MIPOL1: variants seen among roughly 807,000 people sequenced by gnomAD.
MIPOL1 encodes mirror-image polydactyly 1.
In MIPOL1, 57 loss-of-function variants were observed where a neutral mutation model predicts 60.9. The ratio of observed to expected loss-of-function variants is 0.94; its 90% CI spans 0.76 to 1.17. The LOEUF (loss-of-function observed/expected upper bound fraction) is 1.17, where lower values mean the gene tolerates loss of function less well. Among genes scored for constraint, MIPOL1 ranks in the 50% most tolerant of loss-of-function variants. The pLI is 0.00. For synonymous variants in MIPOL1, 179 were observed against 168.8 expected, an observed-to-expected ratio of 1.06 and a Z score of -0.47; for missense variants, 551 against 511.6, an observed-to-expected ratio of 1.08 and a Z score of -0.74.
At chr14:37,499,576 T>G (rs1386568882) in intron 11 of MIPOL1, among the ~76,000 whole-genome samples, 1 of 152,156 alleles carries the variant, frequency 6.6e-6, no homozygotes, top group Non-Finnish European at 1.5e-5. Context: ...TTACATTCTT[T>G]TATTTGCCTA....
At chr14:37,345,222 G>C (rs918266313) in intron 9 of MIPOL1, among the ~76,000 whole-genome samples, 2 of 150,788 alleles carry the variant, frequency 1.3e-5, no homozygotes, top group African/African-American at 2.4e-5. Flanking sequence ...TTCCATCTCA[G>C]CCTTCTGAGT....
At chr14:37,294,918 G>A (rs943852459) in intron 7 of MIPOL1, among the ~76,000 whole-genome samples, 4 of 152,144 alleles carry the variant, frequency 2.6e-5, no homozygotes, top group Non-Finnish European at 5.9e-5. Flanking sequence ...AATCTAGCAA[G>A]GCAGGTCACT....
chr14:37,317,390 G>A (rs905909788), intron 9 of MIPOL1, among the ~76,000 whole-genome samples: 1 of 152,140 alleles, frequency 6.6e-6, no homozygotes, highest in African/African-American at 2.4e-5. Context: ...TTTTAAAAAC[G>A]TGTCAGGGAA....
At chr14:37,212,948 T>G (rs1966943907) in intron 1 of MIPOL1, among the ~76,000 whole-genome samples, 1 of 152,210 alleles carries the variant, frequency 6.6e-6, no homozygotes, top group Non-Finnish European at 1.5e-5. Flanking sequence ...CAGAGAATTC[T>G]TCCAGATCTT....
chr14:37,499,792 T>G (rs1189675249), intron 11 of MIPOL1, 116 bp from the exon 12 acceptor site: 3 of 505,118 alleles, frequency 5.9e-6, no homozygotes, highest in African/African-American at 5.8e-5. Flanking sequence ...ATTTGCTCAT[T>G]TAAGTATTTA....
At chr14:37,525,975 A>G (rs921221841) in intron 12 of MIPOL1, among the ~76,000 whole-genome samples, 6 of 152,162 alleles carry the variant, frequency 3.9e-5, no homozygotes, top group Admixed American at 2.6e-4. Flanking sequence ...ATATTCCTCA[A>G]TGATGGAGAG....
At chr14:37,224,285 G>A (rs1454122636) in intron 1 of MIPOL1, among the ~76,000 whole-genome samples, 2 of 152,118 alleles carry the variant, frequency 1.3e-5, no homozygotes, top group African/African-American at 2.4e-5. Context: ...TTTGAGACCA[G>A]CCTGGGCAAC....
intron 6 of MIPOL1, among the ~76,000 whole-genome samples, chr14:37,281,429 G>A (rs2084094232): frequency 6.6e-6 from 1 of 152,098 alleles, no homozygotes; most frequent in South Asian, 2.1e-4. Context: ...TTTTTGAGAA[G>A]AGTCTTGCTC....
chr14:37,270,554 T>C, intron 6 of MIPOL1, 29 bp downstream of exon 6: 1 of 1,221,312 alleles, frequency 8.2e-7, no homozygotes, highest in South Asian at 1.5e-5. Flanking sequence ...AACACATGGC[T>C]TGAAGAATCA....
intron 9 of MIPOL1, among the ~76,000 whole-genome samples, chr14:37,309,364 G>A (rs2087090987): frequency 6.6e-6 from 1 of 151,900 alleles, no homozygotes. Flanking sequence ...GCACACTATT[G>A]TTGTAGTCGT....
intron 11 of MIPOL1, among the ~76,000 whole-genome samples, chr14:37,493,354 A>G (rs1023174869): frequency 2.0e-5 from 3 of 152,156 alleles, no homozygotes; most frequent in African/African-American, 7.2e-5. Flanking sequence ...TATAATTCCA[A>G]GTTACATTAA....
chr14:37,370,707 A>T (rs1595451362), intron 10 of MIPOL1, among the ~76,000 whole-genome samples: 1 of 152,192 alleles, frequency 6.6e-6, no homozygotes, highest in African/African-American at 2.4e-5. Flanking sequence ...GGCTTATAAT[A>T]ACTTTGTTAT....
chr14:37,360,709 T>C (rs1451751994), intron 9 of MIPOL1, among the ~76,000 whole-genome samples: 2 of 152,186 alleles, frequency 1.3e-5, no homozygotes, highest in South Asian at 2.1e-4. Context: ...CTTCCCTCTT[T>C]TGTTCTTTAT....
chr14:37,540,131 A>C (rs1237705084), intron 12 of MIPOL1, among the ~76,000 whole-genome samples: 2 of 152,192 alleles, frequency 1.3e-5, no homozygotes, highest in East Asian at 3.9e-4. Context: ...TAAATTACCC[A>C]GTCTTGGGCA....
chr14:37,369,811 C>A, intron 10 of MIPOL1, 187 bp downstream of exon 10: 3 of 334,852 alleles, frequency 9.0e-6, no homozygotes, highest in Non-Finnish European at 1.6e-5. Flanking sequence ...CGTATGTGTA[C>A]GTGAAAACAA....
At chr14:37,325,358 A>C (rs932192938) in intron 9 of MIPOL1, among the ~76,000 whole-genome samples, 1 of 152,072 alleles carries the variant, frequency 6.6e-6, no homozygotes, top group Admixed American at 6.6e-5. Flanking sequence ...AGAAGCAAAA[A>C]TATACTCTTT....
chr14:37,518,366 A>G (rs1308136213), intron 12 of MIPOL1, among the ~76,000 whole-genome samples: 3 of 152,180 alleles, frequency 2.0e-5, no homozygotes, highest in Non-Finnish European at 2.9e-5. Flanking sequence ...AATTTTTTTG[A>G]GACAGAGTCT....
intron 7 of MIPOL1, among the ~76,000 whole-genome samples, chr14:37,304,862 G>C (rs1260741716): frequency 6.6e-6 from 1 of 151,788 alleles, no homozygotes. Flanking sequence ...ACTATGTCAA[G>C]TTAGACTGTT....
At chr14:37,276,857 T>C (rs1321699786) in intron 6 of MIPOL1, 1 of 151,232 alleles carries the variant, frequency 6.6e-6, no homozygotes, top group Non-Finnish European at 1.5e-5. Flanking sequence ...TGAAGGCCCA[T>C]GTCTGTGAAA....
Sources: gnomAD v4.1 joint callset for allele counts (sites outside exome capture counted in the v4.1 genomes callset) on GRCh38, gnomAD v4.1.1 for gene constraint, MANE v1.5 for transcripts, NCBI Gene and HGNC (gene_info 2026-07-23, HGNC 2026-07-21) for gene names.